FBN2: variants seen among roughly 807,000 people sequenced by gnomAD.
FBN2 encodes the protein fibrillin-2.
A neutral mutation model predicts 355.6 loss-of-function variants in FBN2; 105 were observed. The observed-to-expected ratio is 0.30, with a 90% CI of 0.25 to 0.35. The LOEUF is 0.35. Ranked by LOEUF, FBN2 falls within the 10% of genes least tolerant of loss-of-function variation. FBN2 has a pLI of 1.00. For missense variants in FBN2, 3,280 were observed against 3,758.7 expected (o/e 0.87, Z 3.33); for synonymous variants, 1,350 against 1,301.2 (o/e 1.04, Z -0.81).
intron 5 of FBN2, among the ~76,000 whole-genome samples, chr5:128,493,137 A>T (rs1487328956): frequency 1.3e-5 from 2 of 152,162 alleles, no homozygotes; most frequent in African/African-American, 4.8e-5. Flanking sequence ...TGACAAATAC[A>T]GAAATACTGA....
chr5:128,260,670 T>C (rs1348248398), intron 64 of FBN2, among the ~76,000 whole-genome samples: 2 of 152,204 alleles, frequency 1.3e-5, no homozygotes, highest in East Asian at 1.9e-4. Flanking sequence ...CAAACATCAG[T>C]TGGGTATCTT....
intron 8 of FBN2, among the ~76,000 whole-genome samples, chr5:128,397,677 A>G (rs1752683401): frequency 6.6e-6 from 1 of 152,208 alleles, no homozygotes; most frequent in Non-Finnish European, 1.5e-5. Flanking sequence ...AAAAATATTT[A>G]AAAACACATC....
chr5:128,442,112 T>C (rs1753938406), intron 7 of FBN2: 2 of 330,268 alleles, frequency 6.1e-6, no homozygotes, highest in Non-Finnish European at 1.2e-5. Flanking sequence ...TAAATAAATA[T>C]ATTTGTTGTC....
intron 4 of FBN2, among the ~76,000 whole-genome samples, chr5:128,525,430 T>C (rs940110211): frequency 1.3e-5 from 2 of 152,152 alleles, no homozygotes; most frequent in Non-Finnish European, 1.5e-5. Context: ...AAGTCTGTTG[T>C]AGAAAATGTG....
chr5:128,291,557 T>C lies in FBN2; in HGVS notation c.6264A>G (p.Val2088=). 6.2e-7 allele frequency: 1 copy of C among 1,613,964 alleles called. No homozygotes were observed. Among genetic ancestry groups the C allele is most frequent in the Non-Finnish European group, 8.5e-7 (1 of 1,179,894 alleles). Residue 2088 remains valine (V), a synonymous_variant, in exon 49 of 65, where the codon GTA becomes GTG. Coordinates refer to ENST00000262464, the MANE Select transcript of FBN2 (RefSeq NM_001999.4). ...GFQCLCPPGF[V]LSDNGRRCFD... is the part of the protein sequence containing the mutation. ...AGCATCTCCGTCCATTATCAGATAG[T>C]ACAAAGCCAGGGGGGCAGAGGCACT...
chr5:128,457,776 C>A (rs1018427621), intron 6 of FBN2, among the ~76,000 whole-genome samples: 2 of 151,982 alleles, frequency 1.3e-5, no homozygotes, highest in Non-Finnish European at 2.9e-5. Context: ...TACCACCAGG[C>A]CTGTTCCTCA....
At chr5:128,467,878 T>C (rs916556621) in intron 5 of FBN2, among the ~76,000 whole-genome samples, 2 of 152,224 alleles carry the variant, frequency 1.3e-5, no homozygotes, top group African/African-American at 4.8e-5. Flanking sequence ...TTTCCATTTT[T>C]ATTCACATTA....
Position 128,456,023 on chromosome 5 carries a change from A to AAAAAAAAAAAAAGC in FBN2, c.826+8700_826+8701insGCTTTTTTTTTTTT, listed in dbSNP as rs1554070903. Among the ~76,000 whole-genome samples, 263 of 145,884 alleles carry AAAAAAAAAAAAAGC rather than the reference A, an allele frequency of 1.8e-3. 3 individuals are homozygous for AAAAAAAAAAAAAGC. The highest frequency in any genetic ancestry group is 3.4e-3 in the Non-Finnish European group (224 of 66,020). On this transcript the variant is annotated intron_variant, in intron 6 of 64. Transcript: ENST00000262464. ...AAAAAAAAAAAAAAAAAAAAAAAAAAGCAACTGCTGAACACACTAAGCTCT... is the reference window on the plus strand; with the variant it reads ...AAAAAAAAAAAAAAAAAAAAAAAAAAAAAAAAAAAAAAGCGCAACTGCTGAACACACTAAGCTCT...
At chr5:128,402,708 T>C (rs1752828294) in intron 8 of FBN2, among the ~76,000 whole-genome samples, 1 of 152,214 alleles carries the variant, frequency 6.6e-6, no homozygotes, top group African/African-American at 2.4e-5. Flanking sequence ...ACAATAGTGA[T>C]AGACAGTAGG....
At chr5:128,369,660 A>T (rs1033984083) in intron 15 of FBN2, among the ~76,000 whole-genome samples, 7 of 152,196 alleles carry the variant, frequency 4.6e-5, no homozygotes, top group Admixed American at 1.3e-4. Context: ...TTGGAGCTCT[A>T]ATCACTGGCT....
chr5:128,377,335 G>T (rs1455663781), intron 13 of FBN2, among the ~76,000 whole-genome samples: 3 of 152,120 alleles, frequency 2.0e-5, no homozygotes, highest in African/African-American at 7.2e-5. Context: ...TACTGCATAT[G>T]TCAAACATTT....
intron 11 of FBN2, among the ~76,000 whole-genome samples, chr5:128,379,757 T>C (rs889442566): frequency 6.6e-6 from 1 of 152,128 alleles, no homozygotes; most frequent in Non-Finnish European, 1.5e-5. Flanking sequence ...CTCTCAGCAA[T>C]GCCCACTAAA....
chr5:128,477,212 G>C (rs1367085557), intron 5 of FBN2, among the ~76,000 whole-genome samples: 1 of 152,122 alleles, frequency 6.6e-6, no homozygotes, highest in Non-Finnish European at 1.5e-5. Flanking sequence ...AAGTGCTCAA[G>C]GGCCACATGT....
chr5:128,481,750 A>C (rs997661204), intron 5 of FBN2, among the ~76,000 whole-genome samples: 6 of 152,168 alleles, frequency 3.9e-5, no homozygotes, highest in African/African-American at 1.4e-4. Context: ...ATTATTTACA[A>C]AAAAATACTA....
chr5:128,395,095 T>C (rs2126981386), intron 9 of FBN2, 27 bp downstream of exon 9: 7 of 1,613,572 alleles, frequency 4.3e-6, no homozygotes, highest in Non-Finnish European at 5.9e-6. Context: ...GTGTCTGTGC[T>C]GAGGAGACTA....
intron 5 of FBN2, among the ~76,000 whole-genome samples, chr5:128,469,216 G>C (rs1002274417): frequency 6.6e-6 from 1 of 152,152 alleles, no homozygotes; most frequent in Non-Finnish European, 1.5e-5. Context: ...AAAGGCCAAC[G>C]GGGCATAAAG....
At chr5:128,351,126 T>C in intron 20 of FBN2, 121 bp from the exon 21 acceptor site, 1 of 1,201,880 alleles carries the variant, frequency 8.3e-7, no homozygotes, top group Non-Finnish European at 1.2e-6. Context: ...CTCACGCCTG[T>C]AATCCCAGCA....
At chr5:128,521,428 T>C (rs1756431843) in intron 4 of FBN2, among the ~76,000 whole-genome samples, 1 of 152,140 alleles carries the variant, frequency 6.6e-6, no homozygotes. Flanking sequence ...GCTTAATACC[T>C]AGGTGATAGG....
At chr5:128,429,407 C>T (rs984763040) in intron 7 of FBN2, among the ~76,000 whole-genome samples, 1 of 151,954 alleles carries the variant, frequency 6.6e-6, no homozygotes, top group Admixed American at 6.6e-5. Context: ...CTAAAAAAAT[C>T]GGAAATGAAA....
Sources: allele counts gnomAD v4.1 joint callset (sites outside exome capture counted in the v4.1 genomes callset), GRCh38; gene constraint gnomAD v4.1.1; transcripts MANE v1.5; gene names NCBI Gene and HGNC (gene_info 2026-07-23, HGNC 2026-07-21).